The following GDAP1 variants were observed in gnomAD, a reference collection of about 807,000 sequenced individuals.
GDAP1 encodes ganglioside-induced differentiation-associated protein 1.
In GDAP1, 34 loss-of-function variants were observed where a neutral mutation model predicts 40.1. The observed-to-expected ratio is 0.85, with a 90% CI of 0.64 to 1.13. GDAP1 has a LOEUF of 1.13. Ranked by LOEUF, GDAP1 falls within the 50% of genes most tolerant of loss-of-function variation. GDAP1 has a pLI of 0.00. For synonymous variants in GDAP1, 170 were observed against 157.4 expected, an observed-to-expected ratio of 1.08 and a Z score of -0.60; for missense variants, 374 against 433.7, an observed-to-expected ratio of 0.86 and a Z score of 1.22.
chr8:74,403,389 T>G (rs1000570992), intron 2 of GDAP1, among the ~76,000 whole-genome samples: 3 of 150,178 alleles, frequency 2.0e-5, no homozygotes, highest in Non-Finnish European at 4.4e-5. Flanking sequence ...TATTAATTTT[T>G]TTTCTATCCT....
chr8:74,476,977 G>C (rs1440052398), intron 2 of GDAP1, among the ~76,000 whole-genome samples: 1 of 151,132 alleles, frequency 6.6e-6, no homozygotes, highest in East Asian at 1.9e-4. Context: ...GGTTCTGTTT[G>C]TCCCTTTGCA....
intron 2 of GDAP1, among the ~76,000 whole-genome samples, chr8:74,397,052 C>T (rs921601860): frequency 6.6e-6 from 1 of 152,194 alleles, no homozygotes; most frequent in Non-Finnish European, 1.5e-5. Flanking sequence ...GCCATTCTAA[C>T]TGGTGTGAGA....
At chr8:74,363,152 A>G (rs1809457909) in intron 5 of GDAP1, 99 bp downstream of exon 5, 1 of 708,622 alleles carries the variant, frequency 1.4e-6, no homozygotes, top group South Asian at 1.6e-5. Flanking sequence ...TCTGCTTTTC[A>G]TTGTTGTTAT....
intron 2 of GDAP1, among the ~76,000 whole-genome samples, chr8:74,470,408 C>T (rs907168653): frequency 1.3e-5 from 2 of 152,076 alleles, no homozygotes; most frequent in Admixed American, 1.3e-4. Context: ...CCCCTCTACC[C>T]CCACCCCACA....
At chr8:74,386,779 A>G (rs1206622654) in intron 2 of GDAP1, among the ~76,000 whole-genome samples, 3 of 152,198 alleles carry the variant, frequency 2.0e-5, no homozygotes, top group African/African-American at 7.2e-5. Flanking sequence ...TTTGGGCAGT[A>G]TGGCCATTTT....
At chr8:74,369,412 A>G (rs1809710971), downstream of GDAP1, among the ~76,000 whole-genome samples, 1 of 152,232 alleles carries the variant, frequency 6.6e-6, no homozygotes, top group Non-Finnish European at 1.5e-5. Context: ...ATCATGGGAG[A>G]GAAATTAAAA....
chr8:74,469,683 A>G (rs1806521475), intron 2 of GDAP1, among the ~76,000 whole-genome samples: 1 of 148,384 alleles, frequency 6.7e-6, no homozygotes, highest in Non-Finnish European at 1.5e-5. Context: ...AAAAAAAAAA[A>G]GTATTCTGAA....
In GDAP1 at chr8:74,428,380, A is replaced by T. The variant is rs1461399512; in HGVS notation, c.166-60298A>T. ...TGGTGGTGTCCCCGACCATCACAGG[A>T]GAACCAGAGTAACCCTTAAATGTGT... On this transcript the variant is annotated intron_variant, in intron 2 of 2. Transcript: ENST00000523640. 3.3e-5 allele frequency among the ~76,000 whole-genome samples: 5 copies of T among 152,300 alleles called. No homozygotes were observed. The East Asian group carries it at 9.6e-4, about 29-fold the overall frequency.
At position 74,396,569 on chromosome 8, in the gene GDAP1, T is replaced by C. The variant is rs927941764; in HGVS notation, c.165+45248T>C. ...CCCTTCCTGTGTCCATGTGTTCTCA[T>C]TGTTCAATTCCCACCTATGAGTGAG... On this transcript the variant is annotated intron_variant, in intron 2 of 2. Coordinates refer to the GDAP1 transcript ENST00000523640. Among the ~76,000 whole-genome samples the C allele has an allele frequency of 6.4e-4, 97 of 151,682 alleles. 1 individual carries two copies. The highest frequency in any genetic ancestry group is 2.2e-3 in the African/African-American group (93 of 41,372).
At chr8:74,440,253 A>G (rs1301156279) in intron 2 of GDAP1, among the ~76,000 whole-genome samples, 2 of 152,178 alleles carry the variant, frequency 1.3e-5, no homozygotes, top group African/African-American at 4.8e-5. Flanking sequence ...AGGATTCCTT[A>G]GCCGCACATG....
intron 2 of GDAP1, among the ~76,000 whole-genome samples, chr8:74,424,936 T>G (rs1464708249): frequency 1.3e-5 from 2 of 152,196 alleles, no homozygotes; most frequent in Non-Finnish European, 2.9e-5. Flanking sequence ...TAAACTTCCC[T>G]CTTATATTGT....
At chr8:74,446,423 C>G (rs1806227681) in intron 2 of GDAP1, among the ~76,000 whole-genome samples, 1 of 152,020 alleles carries the variant, frequency 6.6e-6, no homozygotes, top group South Asian at 2.1e-4. Context: ...TGCTGGAGAC[C>G]AGGCCAGGGA....
At position 74,415,957 on chromosome 8, in the gene GDAP1, G is replaced by A. The variant is rs141690301; in HGVS notation, c.165+64636G>A. Among the ~76,000 whole-genome samples, 432 of 149,952 alleles carry A rather than the reference G, an allele frequency of 2.9e-3. 63 individuals are homozygous for A. Among genetic ancestry groups the A allele is most frequent in the African/African-American group, 0.011 (421 of 39,342 alleles). On this transcript the variant is annotated intron_variant, in intron 2 of 2. Coordinates refer to the GDAP1 transcript ENST00000523640. Reference sequence around the variant, plus strand: ...GATCCCCCTTTGCCAGAACCAAGGGGTCATGGACTAGGAGGGTCATGGCTG... The same window carrying A: ...GATCCCCCTTTGCCAGAACCAAGGGATCATGGACTAGGAGGGTCATGGCTG...
chr8:74,389,001 C>A (rs1810067675), intron 2 of GDAP1, among the ~76,000 whole-genome samples: 1 of 152,122 alleles, frequency 6.6e-6, no homozygotes, highest in Non-Finnish European at 1.5e-5. Context: ...AGGATTGCAA[C>A]CCCTGCTGTT....
At chr8:74,376,006 C>T (rs1263042892) in intron 2 of GDAP1, among the ~76,000 whole-genome samples, 1 of 152,128 alleles carries the variant, frequency 6.6e-6, no homozygotes, top group African/African-American at 2.4e-5. Context: ...TGAAAAATTC[C>T]TTTTGTAGTA....
At chr8:74,418,576 T>C (rs901666613) in intron 2 of GDAP1, among the ~76,000 whole-genome samples, 4 of 152,202 alleles carry the variant, frequency 2.6e-5, no homozygotes, top group Non-Finnish European at 4.4e-5. Context: ...ATAAAAGTTT[T>C]ACAAGAGGAC....
chr8:74,479,726 A>G (rs1330850486), intron 2 of GDAP1, among the ~76,000 whole-genome samples: 2 of 152,104 alleles, frequency 1.3e-5, no homozygotes, highest in Non-Finnish European at 2.9e-5. Context: ...TGGCAGCTGA[A>G]GCTTCTAGGA....
At chr8:74,456,555 G>C (rs531592223) in intron 2 of GDAP1, among the ~76,000 whole-genome samples, 10 of 151,966 alleles carry the variant, frequency 6.6e-5, no homozygotes, top group African/African-American at 2.4e-4. Context: ...CCATTTAATG[G>C]TGCTGATACT....
chr8:74,375,640 G>A (rs1809840939), intron 2 of GDAP1, among the ~76,000 whole-genome samples: 1 of 152,162 alleles, frequency 6.6e-6, no homozygotes, highest in African/African-American at 2.4e-5. Context: ...TCCTCACCCT[G>A]ATGAAGACAT....
Sources: gnomAD v4.1 joint callset for allele counts (sites outside exome capture counted in the v4.1 genomes callset) on GRCh38, gnomAD v4.1.1 for gene constraint, MANE v1.5 for transcripts, NCBI Gene and HGNC (gene_info 2026-07-23, HGNC 2026-07-21) for gene names.